The following SUN2 variants were observed in gnomAD, a reference collection of about 807,000 sequenced individuals.
SUN2 encodes SUN domain-containing protein 2.
A neutral mutation model predicts 100.0 loss-of-function variants in SUN2; 60 were observed. The observed-to-expected ratio is 0.60, with a 90% CI of 0.49 to 0.74. The LOEUF (loss-of-function observed/expected upper bound fraction) is 0.74, where lower values mean the gene tolerates loss of function less well. Among genes scored for constraint, SUN2 ranks in the 30% least tolerant of loss-of-function variants. SUN2 has a pLI of 0.00. For missense variants in SUN2, 834 were observed against 954.6 expected (o/e 0.87, Z 1.66); for synonymous variants, 367 against 403.3 (o/e 0.91, Z 1.08).
intron 10 of SUN2, 126 bp downstream of exon 10, chr22:38,741,368 G>T: frequency 2.0e-6 from 2 of 985,816 alleles, no homozygotes; most frequent in Non-Finnish European, 3.1e-6. Context: ...AGAAGTCAGA[G>T]GAGGGCACTC....
intron 2 of SUN2, 29 bp downstream of exon 2, chr22:38,752,476 CAG>C: frequency 1.3e-6 from 2 of 1,586,088 alleles, no homozygotes; most frequent in Admixed American, 1.7e-5. Context: ...GTGGGGCTGT[CAG>C]GGGCCGTGGC....
At chr22:38,745,653 C>T (rs909480161) in intron 8 of SUN2, 31 bp downstream of exon 8, 1 of 1,611,236 alleles carries the variant, frequency 6.2e-7, no homozygotes, top group East Asian at 2.2e-5. Context: ...TATTGCTAAG[C>T]TCTTGGGAGC....
In SUN2 at chr22:38,755,957, G is replaced by A; in HGVS notation, c.-232C>T. 1.0e-6 allele frequency: 1 copy of A among 983,590 alleles called. No homozygotes were observed. Among genetic ancestry groups the A allele is most frequent in the South Asian group, 4.7e-5 (1 of 21,302 alleles). The allele number at this position is 983,590 out of a possible 1,614,324, so 60.9% of individuals were successfully genotyped here. ...CGGGCGGGCGGACAATGCGGCCGGCGGAGGCCCGCGCTGCGCGAGTGGGGC... is the reference window on the plus strand; with the variant it reads ...CGGGCGGGCGGACAATGCGGCCGGCAGAGGCCCGCGCTGCGCGAGTGGGGC... On this transcript the variant is annotated 5_prime_UTR_variant, in exon 1 of 18. Transcript: ENST00000689035. The surrounding 1 kb of genome is among the most constrained non-coding windows in gnomAD (Gnocchi z 5.7).
rs1217490871 is a variant in SUN2, at chr22:38,752,629, G to A, written c.-1C>T. 3.1e-6 allele frequency: 5 copies of A among 1,613,488 alleles called. No individual in the cohort carries two copies. Among genetic ancestry groups the A allele is most frequent in the African/African-American group, 1.3e-5 (1 of 75,076 alleles). ...TGAGGCGCTGGCTTCTTCGGGACAT[G>A]ATGAGGTGGGATGTGGACTCTTCCC... is the stretch of plus-strand genomic sequence containing the variant. On this transcript the variant is annotated 5_prime_UTR_variant, in exon 2 of 18. Coordinates refer to ENST00000689035, the MANE Select transcript of SUN2 (RefSeq NM_015374.3).
At chr22:38,743,633 C>G (rs1399425187) in intron 8 of SUN2, 3 of 150,908 alleles carry the variant, frequency 2.0e-5, no homozygotes, top group Non-Finnish European at 4.4e-5. Context: ...GCAAAAAATC[C>G]TCTGCCCCAT....
At chr22:38,736,436 A>G in intron 17 of SUN2, 56 bp from the exon 18 acceptor site, 2 of 1,455,724 alleles carry the variant, frequency 1.4e-6, no homozygotes. Context: ...CCTCACTGAC[A>G]GAGAAGGTGG....
At position 38,738,086 on chromosome 22, in the gene SUN2, A is replaced by G; in HGVS notation, c.2040+87T>C. ...AGCAGGGCTTCCCTCTCTGAACCCC[A>G]TGCCTGGCAGGGTAAGTGCCCAGGG... is the stretch of plus-strand genomic sequence containing the variant. On this transcript the variant is annotated intron_variant, in intron 17 of 17. Transcript: ENST00000689035. The surrounding 1 kb of genome is among the most constrained non-coding windows in gnomAD (Gnocchi z 6.6). The G allele has an allele frequency of 8.3e-7, 1 of 1,209,298 alleles. No homozygotes were observed. The highest frequency in any genetic ancestry group is 1.2e-6 in the Non-Finnish European group (1 of 811,594). The allele number at this position is 1,209,298 out of a possible 1,614,324, so 74.9% of individuals were successfully genotyped here.
Position 38,740,302 on chromosome 22 carries a change from G to T in SUN2, c.1321C>A (p.Leu441Met). The T allele has an allele frequency of 6.2e-7, 1 of 1,603,950 alleles. No individual in the cohort carries two copies. The highest frequency in any genetic ancestry group is 2.2e-5 in the East Asian group (1 of 44,528). Residue 441 changes from leucine to methionine, a missense_variant, in exon 12 of 18, where the codon CTG (leucine) becomes ATG (methionine). Coordinates refer to ENST00000689035, the MANE Select transcript of SUN2 (RefSeq NM_015374.3). The surrounding 1 kb of genome is among the most constrained non-coding windows in gnomAD (Gnocchi z 4.8). ...KQSSVAEEVGLLPQQIQAVRD... is the reference protein window; with the variant it reads ...KQSSVAEEVGMLPQQIQAVRD... ...ACGGCCTGGATCTGCTGGGGCAGCA[G>T]GCCCACTTCTTCCGCCACCGAGCTC... is the stretch of plus-strand genomic sequence containing the variant.
At chr22:38,745,610 A>C in intron 8 of SUN2, 74 bp downstream of exon 8, 1 of 1,577,384 alleles carries the variant, frequency 6.3e-7, no homozygotes, top group Admixed American at 1.7e-5. Flanking sequence ...AGGCAGGCTG[A>C]GGGCGCACCC....
chr22:38,744,164 C>T (rs550104280), intron 8 of SUN2, among the ~76,000 whole-genome samples: 4 of 150,112 alleles, frequency 2.7e-5, no homozygotes, highest in East Asian at 2.0e-4. Context: ...CGCTTGAACC[C>T]GGGAGGTGTA....
chr22:38,753,150 C>T (rs6001214), intron 1 of SUN2, among the ~76,000 whole-genome samples: 44,469 of 150,850 alleles, frequency 0.29, 6,748 homozygotes, highest in East Asian at 0.46. Context: ...TGTGCTCGTT[C>T]ATCGAGGGCC....
chr22:38,740,377 C>T lies in SUN2; in HGVS notation c.1246G>A (p.Asp416Asn), dbSNP rs1211601880. The T allele has an allele frequency of 1.9e-6, 3 of 1,573,536 alleles. No individual in the cohort carries two copies. The highest frequency in any genetic ancestry group is 2.6e-6 in the Non-Finnish European group (3 of 1,159,008). The change falls in exon 12 of 18, where the codon GAC (aspartate) becomes AAC (asparagine). Residue 416 changes from aspartate (D) to asparagine (N), a missense_variant. By Grantham distance (23) the Asp-to-Asn change is conservative (BLOSUM62 1). Around this residue, in one of 3 missense-constraint regions of SUN2, gnomAD observed 559 missense variants for 597.7 expected, o/e 0.94. Transcript: ENST00000689035. This position sits in a 1 kb window ranked among gnomAD's most constrained non-coding sequence, Gnocchi z 4.8. ...SSVKELRRLE[D>N]QLAGLQQELA... Reference sequence around the variant, plus strand: ...TCCTGCTGCAGGCCGGCCAGCTGGTCCTCCAGCCGCCTCAGCTCCTTCACA... The same window carrying T: ...TCCTGCTGCAGGCCGGCCAGCTGGTTCTCCAGCCGCCTCAGCTCCTTCACA...
In SUN2 at chr22:38,737,055, C is replaced by T. The variant is rs748723886; in HGVS notation, c.2041-675G>A. ...AGAGTCGGGATCTCGCTGTGTTCAC[C>T]AGCCTGGTCTTGAACTCCTGGGCTC... On this transcript the variant is annotated intron_variant, in intron 17 of 17. Coordinates refer to ENST00000689035, the MANE Select transcript of SUN2 (RefSeq NM_015374.3). This position sits in a 1 kb window ranked among gnomAD's most constrained non-coding sequence, Gnocchi z 4.1. 2.3e-4 allele frequency among the ~76,000 whole-genome samples: 35 copies of T among 152,176 alleles called. No individual in the cohort carries two copies. The highest frequency in any genetic ancestry group is 4.4e-4 in the Non-Finnish European group (30 of 68,030).
At chr22:38,743,794 T>C (rs1378820375) in intron 8 of SUN2, 1 of 152,228 alleles carries the variant, frequency 6.6e-6, no homozygotes. Flanking sequence ...CTGTATTTAA[T>C]GTCTTTAATG....
chr22:38,744,544 G>A (rs2092887943), intron 8 of SUN2, among the ~76,000 whole-genome samples: 1 of 152,136 alleles, frequency 6.6e-6, no homozygotes, highest in Non-Finnish European at 1.5e-5. Context: ...TTATACTACT[G>A]CACTGCAGCC....
chr22:38,749,087 GAAAAA>G (rs1190731384), intron 6 of SUN2: 1 of 335,614 alleles, frequency 3.0e-6, no homozygotes, highest in African/African-American at 2.1e-5. Context: ...TGCAAATATA[GAAAAA>G]AAAAGTAACT....
rs537511864 is a variant in SUN2 at position 38,739,027 on chromosome 22, G to A, written c.1664-39C>T. On this transcript the variant is annotated intron_variant, in intron 14 of 17. Transcript: ENST00000689035. This position sits in a 1 kb window ranked among gnomAD's most constrained non-coding sequence, Gnocchi z 6.7. ...GGAAGGCAGGGTGGGCTCCCGCACG[G>A]GAGGAGGGCCCCGCTCAGGCCATTG... 30 of 1,568,540 alleles carry A rather than the reference G, an allele frequency of 1.9e-5. No homozygotes were observed. The highest frequency in any genetic ancestry group is 2.6e-5 in the Non-Finnish European group (30 of 1,154,222).
chr22:38,736,433 G>T, intron 17 of SUN2, 53 bp from the exon 18 acceptor site: 1 of 1,461,036 alleles, frequency 6.8e-7, no homozygotes, highest in South Asian at 1.3e-5. Context: ...AGGCCTCACT[G>T]ACAGAGAAGG....
At chr22:38,754,498 T>G (rs1227835888) in intron 1 of SUN2, 2 of 607,554 alleles carry the variant, frequency 3.3e-6, no homozygotes, top group Admixed American at 5.9e-5. Flanking sequence ...CCATCTGGCA[T>G]CCCCTCTACT....
Sources: gnomAD v4.1 joint callset for allele counts (sites outside exome capture counted in the v4.1 genomes callset) on GRCh38, gnomAD v4.1.1 for gene constraint, gnomAD v4.1.1 regional missense constraint, Gnocchi (gnomAD v3.1) non-coding constraint, MANE v1.5 for transcripts, NCBI Gene and HGNC (gene_info 2026-07-23, HGNC 2026-07-21) for gene names.